SLC8A1: variants seen among roughly 807,000 people sequenced by gnomAD.
SLC8A1 encodes solute carrier family 8 member A1, also known as sodium/calcium exchanger 1.
In SLC8A1, 18 loss-of-function variants were observed where a neutral mutation model predicts 68.3. The observed-to-expected ratio is 0.26, with a 90% CI of 0.18 to 0.39. The LOEUF (loss-of-function observed/expected upper bound fraction) is 0.39. Ranked by LOEUF, SLC8A1 falls within the 10% of genes least tolerant of loss-of-function variation. The probability of loss-of-function intolerance (pLI) is 1.00; values close to 1 mark genes in which losing one functional copy is unlikely to be tolerated. For synonymous variants in SLC8A1, 475 were observed against 415.5 expected (o/e 1.14, Z -1.74); for missense variants, 985 against 1,156.7 (o/e 0.85, Z 2.15).
At chr2:40,359,025 GACA>G (rs1233217817) in intron 2 of SLC8A1, among the ~76,000 whole-genome samples, 1 of 152,106 alleles carries the variant, frequency 6.6e-6, no homozygotes, top group Non-Finnish European at 1.5e-5. Flanking sequence ...CAGAACAGGA[GACA>G]ACACGGTGAT....
chr2:40,286,875 T>C (rs1164374525), intron 2 of SLC8A1, among the ~76,000 whole-genome samples: 2 of 152,216 alleles, frequency 1.3e-5, no homozygotes, highest in African/African-American at 4.8e-5. Context: ...GAACCAGCTC[T>C]GCACCTGTAT....
intron 2 of SLC8A1, among the ~76,000 whole-genome samples, chr2:40,300,587 C>T (rs528900834): frequency 1.4e-4 from 21 of 152,276 alleles, no homozygotes; most frequent in African/African-American, 4.6e-4. Flanking sequence ...GCCCTTCTGA[C>T]CCCAGGAATT....
At chr2:40,377,975 C>T (rs1476510639) in intron 2 of SLC8A1, among the ~76,000 whole-genome samples, 2 of 152,122 alleles carry the variant, frequency 1.3e-5, no homozygotes, top group Admixed American at 6.6e-5. Context: ...AACTTCATTT[C>T]ACAGGTTTTA....
rs1217925741 is a variant in SLC8A1 at position 40,428,594 on chromosome 2, T to C, written c.1687A>G (p.Thr563Ala). The change falls in exon 2 of 8, where the codon ACA becomes GCA. Residue 563 changes from threonine to alanine, a missense_variant. Physicochemically the swap from Thr to Ala is moderately conservative, Grantham distance 58 (BLOSUM62 0). This residue lies in a region of SLC8A1 where 584 missense variants were observed against 565.9 expected (regional missense o/e 1.03). Transcript: ENST00000406785. ...ATAACATTTCCTCGAGCTCCAGATG[T>C]TCTCAATACTTTCACCTCCATGATG... 3.1e-6 allele frequency: 5 copies of C among 1,613,886 alleles called. No homozygotes were observed. In the South Asian group the frequency reaches 4.4e-5, roughly 14 times the overall value.
intron 2 of SLC8A1, among the ~76,000 whole-genome samples, chr2:40,345,525 C>T (rs140565122): frequency 9.9e-5 from 15 of 151,878 alleles, no homozygotes; most frequent in South Asian, 2.1e-4. Context: ...ATGGACAGGG[C>T]CACTGATTTA....
At chr2:40,507,019 C>G (rs1047536154) in intron 1 of SLC8A1, among the ~76,000 whole-genome samples, 8 of 151,940 alleles carry the variant, frequency 5.3e-5, no homozygotes, top group Non-Finnish European at 7.4e-5. Context: ...GCACAACTCA[C>G]AAAATTGGTA....
intron 2 of SLC8A1, among the ~76,000 whole-genome samples, chr2:40,422,945 T>C (rs983268025): frequency 5.9e-5 from 9 of 152,294 alleles, no homozygotes; most frequent in South Asian, 2.1e-4. Context: ...ACTTACTTCA[T>C]TGGGCTATTA....
chr2:40,321,066 T>C (rs149907911), intron 2 of SLC8A1, among the ~76,000 whole-genome samples: 266 of 152,272 alleles, frequency 1.7e-3, no homozygotes, highest in African/African-American at 5.8e-3. Flanking sequence ...CTTTGTTCGA[T>C]TTGGCTCTGT....
chr2:40,341,166 T>C (rs1667571507), intron 2 of SLC8A1, among the ~76,000 whole-genome samples: 1 of 152,192 alleles, frequency 6.6e-6, no homozygotes, highest in African/African-American at 2.4e-5. Flanking sequence ...CTGGCTCTCT[T>C]TGCCTTATTT....
intron 2 of SLC8A1, among the ~76,000 whole-genome samples, chr2:40,256,414 C>T (rs550231524): frequency 6.6e-6 from 1 of 152,232 alleles, no homozygotes; most frequent in South Asian, 2.1e-4. Context: ...TATACATATA[C>T]ACATATATGC....
intron 2 of SLC8A1, among the ~76,000 whole-genome samples, chr2:40,186,520 A>G (rs1451136294): frequency 6.6e-6 from 1 of 152,160 alleles, no homozygotes; most frequent in Non-Finnish European, 1.5e-5. Context: ...TGGAATAAGG[A>G]CAGGTTGCTA....
intron 2 of SLC8A1, among the ~76,000 whole-genome samples, chr2:40,326,458 ATGG>A (rs1038595937): frequency 1.3e-5 from 2 of 151,740 alleles, no homozygotes; most frequent in African/African-American, 4.8e-5. Flanking sequence ...AAAAAAAAAA[ATGG>A]TGAAGAAAGG....
intron 2 of SLC8A1, among the ~76,000 whole-genome samples, chr2:40,278,257 T>G (rs1392962092): frequency 1.3e-5 from 2 of 151,844 alleles, no homozygotes; most frequent in African/African-American, 4.8e-5. Context: ...GATCATGAGG[T>G]CAAGAGATAG....
At chr2:40,252,833 TGTG>T (rs1558963854) in intron 2 of SLC8A1, among the ~76,000 whole-genome samples, 15 of 113,578 alleles carry the variant, frequency 1.3e-4, no homozygotes, top group Admixed American at 4.1e-4. Context: ...TGTATATACA[TGTG>T]TATACATATA....
At chr2:40,382,295 T>C (rs1682094342) in intron 2 of SLC8A1, among the ~76,000 whole-genome samples, 1 of 152,132 alleles carries the variant, frequency 6.6e-6, no homozygotes, top group South Asian at 2.1e-4. Context: ...GATGACTTAT[T>C]GGTGAACTGA....
At chr2:40,475,944 T>C (rs1003695003) in intron 1 of SLC8A1, among the ~76,000 whole-genome samples, 1 of 152,168 alleles carries the variant, frequency 6.6e-6, no homozygotes, top group African/African-American at 2.4e-5. Flanking sequence ...AGAATTTGTC[T>C]CCTCTGAGTA....
At chr2:40,103,962 G>A (rs989879592) in exon 8 of SLC8A1, 1 of 152,306 alleles carries the variant, frequency 6.6e-6, no homozygotes, top group East Asian at 1.9e-4. Flanking sequence ...ACCATACGGG[G>A]CTTGATGTGT....
intron 6 of SLC8A1, among the ~76,000 whole-genome samples, chr2:40,142,285 A>G (rs561779311): frequency 6.6e-6 from 1 of 152,294 alleles, no homozygotes; most frequent in South Asian, 2.1e-4. Flanking sequence ...TGAAGGAGGA[A>G]GGAAGAAGAA....
intron 4 of SLC8A1, among the ~76,000 whole-genome samples, chr2:40,167,648 A>G (rs2046775174): frequency 6.6e-6 from 1 of 152,142 alleles, no homozygotes; most frequent in African/African-American, 2.4e-5. Flanking sequence ...CCACACTTTT[A>G]TCCCTTTATG....
Sources: allele counts gnomAD v4.1 joint callset (sites outside exome capture counted in the v4.1 genomes callset), GRCh38; gene constraint gnomAD v4.1.1; regional missense constraint gnomAD v4.1.1; transcripts MANE v1.5; gene names NCBI Gene and HGNC (gene_info 2026-07-23, HGNC 2026-07-21).